Variants in SLC24A3 observed in about 807,000 individuals in gnomAD.
SLC24A3 encodes sodium/potassium/calcium exchanger 3.
Under a neutral mutation model 75.8 loss-of-function variants are expected in SLC24A3, and 28 were observed. The ratio of observed to expected loss-of-function variants is 0.37; its 90% CI spans 0.27 to 0.51. The LOEUF (loss-of-function observed/expected upper bound fraction) is 0.51. Ranked by LOEUF, SLC24A3 falls within the 20% of genes least tolerant of loss-of-function variation. The probability of loss-of-function intolerance (pLI) is 0.94; values close to 1 mark genes in which losing one functional copy is unlikely to be tolerated. For synonymous variants in SLC24A3, 372 were observed against 334.1 expected (o/e 1.11, Z -1.24); for missense variants, 663 against 847.8 (o/e 0.78, Z 2.71).
At chr20:19,542,734 G>T (rs1298641154) in intron 3 of SLC24A3, among the ~76,000 whole-genome samples, 2 of 152,328 alleles carry the variant, frequency 1.3e-5, no homozygotes, top group East Asian at 3.9e-4. Flanking sequence ...TTGGTGGGGG[G>T]CTATGGAGAG....
At position 19,679,831 on chromosome 20, in the gene SLC24A3, G is replaced by A. The variant is rs117340729; in HGVS notation, c.768-2027G>A. Among the ~76,000 whole-genome samples, 84 of 152,178 alleles carry A rather than the reference G, an allele frequency of 5.5e-4. No individual in the cohort carries two copies. The East Asian group carries it at 0.016, about 28-fold the overall frequency. On this transcript the variant is annotated intron_variant, in intron 9 of 16. Transcript: ENST00000328041. ...ATAAATTCCACTCATTAGAATTGGTGGCCCATGACTTGCTGCTGTGTCTGT... is the reference window on the plus strand; with the variant it reads ...ATAAATTCCACTCATTAGAATTGGTAGCCCATGACTTGCTGCTGTGTCTGT...
chr20:19,607,659 T>A (rs2031615168), intron 6 of SLC24A3, among the ~76,000 whole-genome samples: 1 of 152,214 alleles, frequency 6.6e-6, no homozygotes, highest in Admixed American at 6.5e-5. Context: ...ATTCTTCCAC[T>A]GTAGCATTTC....
intron 1 of SLC24A3, among the ~76,000 whole-genome samples, chr20:19,277,319 G>A (rs1822325219): frequency 6.6e-6 from 1 of 152,216 alleles, no homozygotes; most frequent in African/African-American, 2.4e-5. Flanking sequence ...GAATGGAAAG[G>A]TTTCTGCACA....
At chr20:19,227,174 G>A (rs888800105) in intron 1 of SLC24A3, among the ~76,000 whole-genome samples, 2 of 152,220 alleles carry the variant, frequency 1.3e-5, no homozygotes, top group Non-Finnish European at 2.9e-5. Context: ...ATTGTAGAAA[G>A]ATGGTGTCCC....
intron 2 of SLC24A3, among the ~76,000 whole-genome samples, chr20:19,394,843 A>G (rs1471526173): frequency 6.6e-6 from 1 of 152,254 alleles, no homozygotes; most frequent in African/African-American, 2.4e-5. Flanking sequence ...GAATTGCCAT[A>G]TGATCCAGCA....
At chr20:19,247,713 CA>C (rs1411517026) in intron 1 of SLC24A3, among the ~76,000 whole-genome samples, 96 of 152,338 alleles carry the variant, frequency 6.3e-4, no homozygotes, top group African/African-American at 2.0e-3. Flanking sequence ...ATATTGAGAA[CA>C]TGCTGCATTG....
intron 3 of SLC24A3, among the ~76,000 whole-genome samples, chr20:19,578,026 A>T (rs2031165841): frequency 6.6e-6 from 1 of 152,190 alleles, no homozygotes; most frequent in Admixed American, 6.5e-5. Flanking sequence ...TGAAAAGCAA[A>T]CAAGCTCATA....
intron 2 of SLC24A3, among the ~76,000 whole-genome samples, chr20:19,468,520 C>T (rs890920796): frequency 3.9e-5 from 6 of 152,096 alleles, no homozygotes; most frequent in Admixed American, 3.3e-4. Context: ...CTCGTCACTC[C>T]TATTTTCTTC....
At chr20:19,349,167 T>C (rs1985506985) in intron 2 of SLC24A3, among the ~76,000 whole-genome samples, 1 of 152,230 alleles carries the variant, frequency 6.6e-6, no homozygotes, top group African/African-American at 2.4e-5. Flanking sequence ...TAAGAAGTTC[T>C]TTCCTAAACT....
intron 1 of SLC24A3, among the ~76,000 whole-genome samples, chr20:19,274,358 T>C (rs1353633719): frequency 6.6e-6 from 1 of 152,018 alleles, no homozygotes; most frequent in African/African-American, 2.4e-5. Context: ...AGCCACCTTC[T>C]CTGGATATTC....
At chr20:19,637,188 C>T (rs2032012223) in intron 6 of SLC24A3, among the ~76,000 whole-genome samples, 1 of 152,222 alleles carries the variant, frequency 6.6e-6, no homozygotes, top group South Asian at 2.1e-4. Context: ...GTAATCCCAG[C>T]TTTTTGGGAG....
chr20:19,367,482 A>G (rs1985912820), intron 2 of SLC24A3, among the ~76,000 whole-genome samples: 1 of 128,822 alleles, frequency 7.8e-6, no homozygotes, highest in South Asian at 2.4e-4. Flanking sequence ...CAAAAAAAGA[A>G]GCCCTGCCTT....
chr20:19,531,371 T>A (rs1321262479), intron 3 of SLC24A3, among the ~76,000 whole-genome samples: 1 of 152,198 alleles, frequency 6.6e-6, no homozygotes, highest in Admixed American at 6.5e-5. Flanking sequence ...AAAAGAAACA[T>A]GGCATGTGGA....
At chr20:19,585,199 C>T (rs1002651629) in intron 5 of SLC24A3, 144 bp downstream of exon 5, 5 of 784,052 alleles carry the variant, frequency 6.4e-6, no homozygotes, top group East Asian at 5.4e-5. Flanking sequence ...CATCAGCCTC[C>T]CATCTGCCGT....
chr20:19,586,530 C>G (rs1421604831), intron 6 of SLC24A3, among the ~76,000 whole-genome samples: 1 of 152,176 alleles, frequency 6.6e-6, no homozygotes, highest in African/African-American at 2.4e-5. Flanking sequence ...CAGCCTTCCC[C>G]CTACCCTTTG....
chr20:19,571,589 C>T (rs1187494075), intron 3 of SLC24A3, among the ~76,000 whole-genome samples: 2 of 152,178 alleles, frequency 1.3e-5, no homozygotes, highest in African/African-American at 4.8e-5. Flanking sequence ...TGGTGACCTT[C>T]AAGAACACTA....
chr20:19,448,894 T>C (rs946030348), intron 2 of SLC24A3, among the ~76,000 whole-genome samples: 6 of 152,300 alleles, frequency 3.9e-5, no homozygotes, highest in African/African-American at 1.4e-4. Context: ...AAAGCCATTT[T>C]CTCCTCTCCT....
chr20:19,455,247 T>A (rs899779888), intron 2 of SLC24A3, among the ~76,000 whole-genome samples: 2 of 152,178 alleles, frequency 1.3e-5, no homozygotes, highest in Middle Eastern at 3.2e-3. Flanking sequence ...CAATTTTTGT[T>A]TTCTTTTTCC....
intron 1 of SLC24A3, among the ~76,000 whole-genome samples, chr20:19,224,042 G>A (rs1981805606): frequency 6.6e-6 from 1 of 152,074 alleles, no homozygotes; most frequent in African/African-American, 2.4e-5. Context: ...GACTATGGTC[G>A]ACTGCAGGTA....
Sources: gnomAD v4.1 joint callset for allele counts (sites outside exome capture counted in the v4.1 genomes callset) on GRCh38, gnomAD v4.1.1 for gene constraint, MANE v1.5 for transcripts, NCBI Gene and HGNC (gene_info 2026-07-23, HGNC 2026-07-21) for gene names.